Variants in LRP1B observed in about 807,000 individuals in gnomAD.
LRP1B encodes the protein low-density lipoprotein receptor-related protein 1B.
In LRP1B, 217 loss-of-function variants were observed where a neutral mutation model predicts 556.6. The observed-to-expected ratio is 0.39, with a 90% CI of 0.35 to 0.44. LRP1B has a LOEUF of 0.44. Among genes scored for constraint, LRP1B ranks in the 20% least tolerant of loss-of-function variants. The probability of loss-of-function intolerance (pLI) is 1.00; values close to 1 mark genes in which losing one functional copy is unlikely to be tolerated. For missense variants in LRP1B, 5,053 were observed against 5,620.8 expected (o/e 0.90, Z 3.23); for synonymous variants, 2,047 against 1,865.8 (o/e 1.10, Z -2.50).
intron 86 of LRP1B, among the ~76,000 whole-genome samples, chr2:140,258,999 A>G (rs1413544878): frequency 6.6e-6 from 1 of 152,272 alleles, no homozygotes; most frequent in African/African-American, 2.4e-5. Flanking sequence ...GTGACACTTC[A>G]TATTTCAAAT....
chr2:141,089,157 G>A (rs1019030175), intron 7 of LRP1B, among the ~76,000 whole-genome samples: 1 of 152,152 alleles, frequency 6.6e-6, no homozygotes, highest in African/African-American at 2.4e-5. Flanking sequence ...AGTTTGAATA[G>A]AAGACTAATA....
chr2:140,432,714 A>C (rs567932860), intron 66 of LRP1B, among the ~76,000 whole-genome samples: 1 of 152,344 alleles, frequency 6.6e-6, no homozygotes, highest in Non-Finnish European at 1.5e-5. Context: ...CCAGCAACCC[A>C]TCATCTATGG....
intron 7 of LRP1B, among the ~76,000 whole-genome samples, chr2:141,168,927 A>G (rs1208909753): frequency 2.0e-5 from 3 of 152,080 alleles, no homozygotes; most frequent in African/African-American, 7.2e-5. Context: ...AATAAGGACA[A>G]ATGTGGTACT....
At position 141,544,349 on chromosome 2, in the gene LRP1B, C is replaced by CTTCTT. The variant is rs1559131347; in HGVS notation, c.206-63821_206-63817dup. Among the ~76,000 whole-genome samples, 37 of 85,928 alleles carry CTTCTT rather than the reference C, an allele frequency of 4.3e-4. 2 individuals carry two copies. Among genetic ancestry groups the CTTCTT allele is most frequent in the South Asian group, 1.1e-3 (2 of 1,876 alleles). 56.4% of individuals were successfully genotyped at this position (85,928 alleles called of 152,430 possible). On this transcript the variant is annotated intron_variant, in intron 2 of 90. Transcript: ENST00000389484. ...TCTTCTTCTTCTTCTTCTTCTTCTT[C>CTTCTT]TTCTTCTTCTTCTTCTTCTTCTTCT... is the stretch of plus-strand genomic sequence containing the variant.
chr2:140,931,499 T>C (rs1385354002), intron 20 of LRP1B, among the ~76,000 whole-genome samples: 1 of 152,034 alleles, frequency 6.6e-6, no homozygotes, highest in African/African-American at 2.4e-5. Flanking sequence ...AAATACAAGA[T>C]TTCAAGACTT....
chr2:140,677,407 A>G (rs1685708424), intron 41 of LRP1B, among the ~76,000 whole-genome samples: 1 of 152,176 alleles, frequency 6.6e-6, no homozygotes, highest in African/African-American at 2.4e-5. Context: ...TTTAGTATAG[A>G]GGAGAAATGA....
chr2:141,928,757 G>C (rs1700406652), intron 1 of LRP1B, among the ~76,000 whole-genome samples: 1 of 152,070 alleles, frequency 6.6e-6, no homozygotes, highest in Non-Finnish European at 1.5e-5. Context: ...AGAATCAAAA[G>C]TACAACTCAA....
At chr2:141,725,756 G>A (rs1236957607) in intron 2 of LRP1B, among the ~76,000 whole-genome samples, 4 of 151,704 alleles carry the variant, frequency 2.6e-5, no homozygotes, top group African/African-American at 9.7e-5. Flanking sequence ...CTAAGAGGAT[G>A]TAGCTGAGAG....
rs888306758 is a variant in LRP1B at position 141,696,804 on chromosome 2, G to T, written c.205+113475C>A. On this transcript the variant is annotated intron_variant, in intron 2 of 90. Transcript: ENST00000389484. Reference sequence around the variant, plus strand: ...GGCTTGGTGACCACTAACTGAGAGGGGATATGAGTGACTGTTTTTATATTT... The same window carrying T: ...GGCTTGGTGACCACTAACTGAGAGGTGATATGAGTGACTGTTTTTATATTT... Among the ~76,000 whole-genome samples, 16 of 152,018 alleles carry T rather than the reference G, an allele frequency of 1.1e-4. No homozygotes were observed. The Middle Eastern group carries it at 0.01, about 97-fold the overall frequency.
At chr2:140,745,121 G>A (rs1688273118) in intron 35 of LRP1B, among the ~76,000 whole-genome samples, 1 of 152,158 alleles carries the variant, frequency 6.6e-6, no homozygotes, top group South Asian at 2.1e-4. Flanking sequence ...CACTTTTACT[G>A]AGAAAATTCT....
At chr2:142,054,369 C>A (rs1704581626) in intron 1 of LRP1B, among the ~76,000 whole-genome samples, 2 of 152,004 alleles carry the variant, frequency 1.3e-5, no homozygotes, top group South Asian at 4.1e-4. Flanking sequence ...CATGTTGTCC[C>A]ATCCCCACTA....
chr2:140,913,115 C>T (rs1400503818), intron 21 of LRP1B, among the ~76,000 whole-genome samples: 2 of 151,720 alleles, frequency 1.3e-5, no homozygotes, highest in Non-Finnish European at 3.0e-5. Flanking sequence ...GAACACTGGT[C>T]TATAATATTT....
At chr2:141,345,472 CCTT>C (rs1046700112) in intron 3 of LRP1B, among the ~76,000 whole-genome samples, 12 of 151,610 alleles carry the variant, frequency 7.9e-5, no homozygotes, top group South Asian at 2.1e-4. Flanking sequence ...CTTTTCTTCT[CCTT>C]CTTCTTCTTT....
chr2:141,421,114 A>G (rs1433017632), intron 3 of LRP1B, among the ~76,000 whole-genome samples: 1 of 152,206 alleles, frequency 6.6e-6, no homozygotes, highest in Admixed American at 6.5e-5. Context: ...TGGTTCATAC[A>G]CTGTTGTTAA....
intron 35 of LRP1B, among the ~76,000 whole-genome samples, chr2:140,721,384 T>G (rs1687393586): frequency 6.6e-6 from 1 of 152,122 alleles, no homozygotes; most frequent in South Asian, 2.1e-4. Flanking sequence ...GTCAGCTTGT[T>G]AAATGGGATC....
intron 1 of LRP1B, among the ~76,000 whole-genome samples, chr2:141,886,854 G>A (rs191567317): frequency 1.3e-5 from 2 of 151,946 alleles, no homozygotes; most frequent in African/African-American, 2.4e-5. Flanking sequence ...GATAATCTAC[G>A]CTAGCTGCTG....
chr2:141,050,705 T>G (rs1699012453), intron 10 of LRP1B, among the ~76,000 whole-genome samples: 1 of 152,070 alleles, frequency 6.6e-6, no homozygotes, highest in Admixed American at 6.6e-5. Flanking sequence ...GGAATACCAT[T>G]CAGGACACAG....
intron 2 of LRP1B, among the ~76,000 whole-genome samples, chr2:141,512,519 G>A (rs1294713342): frequency 6.6e-6 from 1 of 152,126 alleles, no homozygotes; most frequent in Non-Finnish European, 1.5e-5. Context: ...GTATCATATT[G>A]AGAATGGCAG....
intron 7 of LRP1B, among the ~76,000 whole-genome samples, chr2:141,179,737 C>T (rs1476003829): frequency 6.6e-6 from 1 of 151,786 alleles, no homozygotes; most frequent in African/African-American, 2.4e-5. Context: ...AGAAAACATC[C>T]CCTTAATCCT....
Sources: gnomAD v4.1 joint callset for allele counts (sites outside exome capture counted in the v4.1 genomes callset) on GRCh38, gnomAD v4.1.1 for gene constraint, MANE v1.5 for transcripts, NCBI Gene and HGNC (gene_info 2026-07-23, HGNC 2026-07-21) for gene names.